The following TOPBP1 variants were observed in gnomAD, a reference collection of about 807,000 sequenced individuals.
The protein encoded by TOPBP1 is DNA topoisomerase 2-binding protein 1.
TOPBP1 carries 28 observed loss-of-function variants against 167.7 expected under a neutral mutation model. The observed-to-expected ratio is 0.17, with a 90% CI of 0.12 to 0.23. The LOEUF is 0.23. Ranked by LOEUF, TOPBP1 falls within the 10% of genes least tolerant of loss-of-function variation. The pLI, the probability that TOPBP1 is intolerant of heterozygous loss-of-function variation, is 1.00. For synonymous variants in TOPBP1, 598 were observed against 611.4 expected (o/e 0.98, Z 0.32); for missense variants, 1,554 against 1,809.6 (o/e 0.86, Z 2.56).
At chr3:133,646,905 A>G (rs531238275) in intron 10 of TOPBP1, among the ~76,000 whole-genome samples, 3 of 152,344 alleles carry the variant, frequency 2.0e-5, no homozygotes, top group South Asian at 4.1e-4. Context: ...CCAGACCACT[A>G]AAGTGGTTAC....
chr3:133,616,752 C>G, intron 23 of TOPBP1, 62 bp downstream of exon 23: 1 of 955,924 alleles, frequency 1.0e-6, no homozygotes, highest in Non-Finnish European at 1.5e-6. Context: ...ATATTGACTA[C>G]ATTTGACTTC....
chr3:133,627,524 A>G (rs572501354), intron 16 of TOPBP1, among the ~76,000 whole-genome samples: 1 of 152,350 alleles, frequency 6.6e-6, no homozygotes, highest in South Asian at 2.1e-4. Flanking sequence ...AGATGCTTAT[A>G]TGTATTACAG....
chr3:133,628,102 A>ATAGT, intron 16 of TOPBP1: 1 of 396,632 alleles, frequency 2.5e-6, no homozygotes. Context: ...GGTTTCTAGA[A>ATAGT]TAGTTAGTGG....
intron 19 of TOPBP1, among the ~76,000 whole-genome samples, chr3:133,622,819 A>AT (rs1340120343): frequency 6.6e-6 from 1 of 152,220 alleles, no homozygotes; most frequent in Admixed American, 6.5e-5. Context: ...CATAAATTTC[A>AT]TAAGCTTTAC....
chr3:133,607,914 T>C (rs563343997), intron 27 of TOPBP1, among the ~76,000 whole-genome samples: 37 of 152,212 alleles, frequency 2.4e-4, no homozygotes, highest in Non-Finnish European at 5.0e-4. Context: ...ATCACAAAGC[T>C]GACTTTGAGT....
At position 133,618,351 on chromosome 3, in the gene TOPBP1, C is replaced by G; in HGVS notation, c.3454G>C (p.Glu1152Gln). The G allele has an allele frequency of 6.2e-7, 1 of 1,613,966 alleles. No homozygotes were observed. Among genetic ancestry groups the G allele is most frequent in the East Asian group, 2.2e-5 (1 of 44,888 alleles). ...QIIWDDPTAR[E>Q]ERARLASNLQ... ...TTGCTGGCAAGCCTTGCTCTCTCCT[C>G]CCTTGCTGTAGGGTCATCCCAAATG... Residue 1152 changes from glutamate (E) to glutamine (Q), a missense_variant, in exon 21 of 28, where the codon GAG becomes CAG. This residue lies in a region of TOPBP1 where 6 missense variants were observed against 25.2 expected (regional missense o/e 0.24). Coordinates refer to ENST00000260810, the MANE Select transcript of TOPBP1 (RefSeq NM_007027.4).
intron 8 of TOPBP1, 25 bp from the exon 9 acceptor site, chr3:133,649,968 T>A (rs1936228644): frequency 3.3e-6 from 5 of 1,518,724 alleles, no homozygotes; most frequent in Non-Finnish European, 4.4e-6. Flanking sequence ...ATATTTAATA[T>A]ACATAACATG....
At chr3:133,634,002 T>C (rs553724904) in intron 14 of TOPBP1, among the ~76,000 whole-genome samples, 1 of 152,338 alleles carries the variant, frequency 6.6e-6, no homozygotes, top group South Asian at 2.1e-4. Context: ...AAACTTAATG[T>C]GTCTAACATG....
chr3:133,645,990 T>C (rs1936062446), intron 10 of TOPBP1, among the ~76,000 whole-genome samples: 1 of 151,440 alleles, frequency 6.6e-6, no homozygotes, highest in South Asian at 2.1e-4. Context: ...CTACTAAAAA[T>C]AGAAAAATTA....
chr3:133,633,293 A>G (rs1935552871), intron 14 of TOPBP1, among the ~76,000 whole-genome samples: 1 of 152,170 alleles, frequency 6.6e-6, no homozygotes, highest in Admixed American at 6.5e-5. Flanking sequence ...ATTGACCTTC[A>G]TAATGCTCAA....
chr3:133,626,624 G>A (rs956778424), intron 16 of TOPBP1, among the ~76,000 whole-genome samples: 11 of 152,136 alleles, frequency 7.2e-5, no homozygotes, highest in African/African-American at 2.7e-4. Flanking sequence ...TGGTATCTGA[G>A]TCCCCAGATC....
chr3:133,652,332 A>G, intron 8 of TOPBP1, 131 bp downstream of exon 8: 1 of 877,044 alleles, frequency 1.1e-6, no homozygotes, highest in Non-Finnish European at 1.7e-6. Flanking sequence ...TAGTAAGTGC[A>G]TCTACTTAGC....
chr3:133,618,064 G>T, intron 21 of TOPBP1, 149 bp downstream of exon 21: 7 of 626,218 alleles, frequency 1.1e-5, no homozygotes, highest in South Asian at 2.3e-5. Context: ...TATTTTTCTG[G>T]CTCAAGTTTA....
At position 133,655,309 on chromosome 3, in the gene TOPBP1, GA is replaced by G; in HGVS notation, c.722del (p.Leu241ProfsTer22). The G allele has an allele frequency of 6.9e-7, 1 of 1,456,842 alleles. No individual in the cohort carries two copies. The highest frequency in any genetic ancestry group is 1.7e-5 in the South Asian group (1 of 59,580). The allele number at this position is 1,456,842 out of a possible 1,614,324, so 90.2% of individuals were successfully genotyped here. On this transcript the variant is annotated frameshift_variant, in exon 6 of 28. Coordinates refer to ENST00000260810, the MANE Select transcript of TOPBP1 (RefSeq NM_007027.4). LOFTEE classifies it high-confidence loss of function. Reference sequence around the variant, plus strand: ...TTTTACCTTTTGGTTCTTGCACAATGAGGTGTGTACATTCATTCATTTTCAA... The same window carrying G: ...TTTTACCTTTTGGTTCTTGCACAATGGGTGTGTACATTCATTCATTTTCAA... ...GQLKMNECTHLIVQEPKGQKY... is the reference protein window; with the variant it reads ...GQLKMNECTHXIVQEPKGQKY...
At chr3:133,659,175 T>G in intron 2 of TOPBP1, 25 bp from the exon 3 acceptor site, 14 of 1,530,542 alleles carry the variant, frequency 9.1e-6, no homozygotes, top group Non-Finnish European at 1.2e-5. Flanking sequence ...AAAATAAGAA[T>G]GTACCTGAAA....
chr3:133,615,333 C>G (rs1449904014), intron 23 of TOPBP1, among the ~76,000 whole-genome samples: 1 of 152,050 alleles, frequency 6.6e-6, no homozygotes, highest in Non-Finnish European at 1.5e-5. Context: ...CAAAATTAGC[C>G]AGGCGTGGTG....
At chr3:133,658,733 G>C (rs758843584) in intron 3 of TOPBP1, among the ~76,000 whole-genome samples, 8 of 152,112 alleles carry the variant, frequency 5.3e-5, no homozygotes, top group Admixed American at 3.3e-4. Flanking sequence ...CTTGAACCAA[G>C]GAAGCAGAAG....
Position 133,620,406 on chromosome 3 carries a change from C to T in TOPBP1, c.3179-59G>A, listed in dbSNP as rs1185091063. The T allele has an allele frequency of 2.6e-6, 4 of 1,542,638 alleles. No homozygotes were observed. In the African/African-American group the frequency reaches 5.5e-5, roughly 21 times the overall value. Reference sequence around the variant, plus strand: ...AGTTCCTCTTTTTTACCATATCTTACATTAACTATTTTGTTTAGACCTGGT... The same window carrying T: ...AGTTCCTCTTTTTTACCATATCTTATATTAACTATTTTGTTTAGACCTGGT... On this transcript the variant is annotated intron_variant, in intron 19 of 27. Transcript: ENST00000260810.
chr3:133,608,776 C>G, intron 26 of TOPBP1, 80 bp from the exon 27 acceptor site: 1 of 1,567,554 alleles, frequency 6.4e-7, no homozygotes, highest in Non-Finnish European at 8.6e-7. Context: ...TTAAGGATTA[C>G]CATTTCAAAA....
Sources: gnomAD v4.1 joint callset for allele counts (sites outside exome capture counted in the v4.1 genomes callset) on GRCh38, gnomAD v4.1.1 for gene constraint, gnomAD v4.1.1 regional missense constraint, MANE v1.5 for transcripts, NCBI Gene and HGNC (gene_info 2026-07-23, HGNC 2026-07-21) for gene names.